ARHGAP28: variants seen among roughly 807,000 people sequenced by gnomAD.
ARHGAP28 encodes the protein Rho GTPase activating protein 28.
In ARHGAP28, 56 loss-of-function variants were observed where a neutral mutation model predicts 90.7. The observed-to-expected ratio is 0.62, with a 90% CI of 0.50 to 0.77. The LOEUF (loss-of-function observed/expected upper bound fraction) is 0.77, where lower values mean the gene tolerates loss of function less well. Among genes scored for constraint, ARHGAP28 ranks in the 30% least tolerant of loss-of-function variants. The pLI is 0.00. For missense variants in ARHGAP28, 869 were observed against 900.9 expected, an observed-to-expected ratio of 0.96 and a Z score of 0.45; for synonymous variants, 308 against 323.3, an observed-to-expected ratio of 0.95 and a Z score of 0.51.
chr18:6,841,208 CCTCT>C (rs369622522), intron 3 of ARHGAP28, among the ~76,000 whole-genome samples: 1,295 of 43,044 alleles, frequency 0.03, 53 homozygotes, highest in African/African-American at 0.088. Flanking sequence ...TCTCTCCTCT[CCTCT>C]CTCTCTCTCT....
Position 6,908,201 on chromosome 18 carries a change from G to A in ARHGAP28, c.2031-759G>A, listed in dbSNP as rs549843616. Reference sequence around the variant, plus strand: ...CGCCCAGGCTGGAGTGCAATGGCACGATCTCCACCCACTGCAACCTCCTCT... The same window carrying A: ...CGCCCAGGCTGGAGTGCAATGGCACAATCTCCACCCACTGCAACCTCCTCT... On this transcript the variant is annotated intron_variant, in intron 16 of 17. Coordinates refer to ENST00000383472, the MANE Select transcript of ARHGAP28 (RefSeq NM_001366230.1). Among the ~76,000 whole-genome samples, 35 of 151,930 alleles carry A rather than the reference G, an allele frequency of 2.3e-4. 1 individual carries two copies. The South Asian group carries it at 6.9e-3, about 30-fold the overall frequency.
At chr18:6,857,035 C>T (rs1323164783) in intron 4 of ARHGAP28, among the ~76,000 whole-genome samples, 1 of 152,122 alleles carries the variant, frequency 6.6e-6, no homozygotes, top group Non-Finnish European at 1.5e-5. Context: ...GGAGTTATTA[C>T]AAATAATGCT....
At chr18:6,908,408 G>A (rs956106285) in intron 16 of ARHGAP28, among the ~76,000 whole-genome samples, 2 of 152,112 alleles carry the variant, frequency 1.3e-5, no homozygotes, top group Admixed American at 6.5e-5. Context: ...CAAAATGCTA[G>A]AATTACAGGC....
At chr18:6,756,400 C>G (rs1342957766) in intron 1 of ARHGAP28, among the ~76,000 whole-genome samples, 2 of 152,122 alleles carry the variant, frequency 1.3e-5, no homozygotes, top group Admixed American at 1.3e-4. Flanking sequence ...AATATCCTTT[C>G]TACTTCAGCT....
chr18:6,801,506 T>C (rs1282691083), intron 1 of ARHGAP28, among the ~76,000 whole-genome samples: 2 of 152,190 alleles, frequency 1.3e-5, no homozygotes, highest in African/African-American at 4.8e-5. Flanking sequence ...TCATATGAGC[T>C]TTAGAAAGCT....
chr18:6,848,870 C>T (rs986608337), intron 3 of ARHGAP28, among the ~76,000 whole-genome samples: 2 of 152,074 alleles, frequency 1.3e-5, no homozygotes, highest in Non-Finnish European at 2.9e-5. Flanking sequence ...CTTCTGTTTC[C>T]CAGTCTCCCC....
intron 1 of ARHGAP28, chr18:6,754,853 G>A (rs903305925): frequency 4.6e-5 from 7 of 152,186 alleles, no homozygotes; most frequent in African/African-American, 1.7e-4. Flanking sequence ...GGGACTAAAA[G>A]AAAGTAAATT....
chr18:6,793,431 T>C (rs895903365), intron 1 of ARHGAP28, among the ~76,000 whole-genome samples: 3 of 152,202 alleles, frequency 2.0e-5, no homozygotes, highest in African/African-American at 7.2e-5. Context: ...CTGCATTCTG[T>C]CTTCCTACAG....
chr18:6,873,658 T>TC, intron 8 of ARHGAP28, 26 bp from the exon 9 acceptor site: 15 of 1,591,882 alleles, frequency 9.4e-6, no homozygotes, highest in South Asian at 2.3e-5. Flanking sequence ...TTTTTTTTTT[T>TC]CCCCCTTTAC....
At chr18:6,805,606 C>T (rs1489634447) in intron 1 of ARHGAP28, among the ~76,000 whole-genome samples, 1 of 151,200 alleles carries the variant, frequency 6.6e-6, no homozygotes, top group Admixed American at 6.6e-5. Flanking sequence ...CTTCCTCAGC[C>T]TCCTGAGTAG....
Position 6,742,175 on chromosome 18 carries a change from T to C in ARHGAP28, c.122+12232T>C, listed in dbSNP as rs1246716001. 2.6e-4 allele frequency among the ~76,000 whole-genome samples: 40 copies of C among 151,370 alleles called. 1 individual carries two copies. The highest frequency in any genetic ancestry group is 4.9e-4 in the Non-Finnish European group (33 of 67,840). ...TTTTTTCTTTTTTCTTTTTCTTTTT[T>C]TTTTTTTTGACAGAGTTTTTTGCTT... On this transcript the variant is annotated intron_variant, in intron 1 of 17. Transcript: ENST00000383472.
At position 6,824,835 on chromosome 18, in the gene ARHGAP28, C is replaced by T. The variant is rs1423816347; in HGVS notation, c.196C>T (p.Arg66Cys). 21 of 1,536,378 alleles carry T rather than the reference C, an allele frequency of 1.4e-5. No individual in the cohort carries two copies. The African/African-American group carries it at 1.4e-4, about 10-fold the overall frequency. The change falls in exon 2 of 18, where the codon CGT becomes TGT. Residue 66 changes from arginine to cysteine, a missense_variant. Physicochemically the swap from Arg to Cys is radical, Grantham distance 180. Coordinates refer to ENST00000383472, the MANE Select transcript of ARHGAP28 (RefSeq NM_001366230.1). ...ATCCCTCCATCCTCCTGCCTTCAGC[C>T]GTTCCAACTCAGAAGCCTCCGTAGA... is the stretch of plus-strand genomic sequence containing the variant. ...NESLHPPAFS[R>C]SNSEASVDSA...
At chr18:6,762,908 A>G (rs1399186798) in intron 1 of ARHGAP28, among the ~76,000 whole-genome samples, 2 of 152,176 alleles carry the variant, frequency 1.3e-5, no homozygotes, top group African/African-American at 4.8e-5. Flanking sequence ...TATACGCACA[A>G]TGAATTCACT....
Position 6,882,254 on chromosome 18 carries a change from C to G in ARHGAP28, c.1408C>G (p.Leu470Val), listed in dbSNP as rs1233278869. 3.1e-6 allele frequency: 5 copies of G among 1,614,072 alleles called. No individual in the cohort carries two copies. The highest frequency in any genetic ancestry group is 4.2e-6 in the Non-Finnish European group (5 of 1,179,984). ...GTTTTTCAGAGAACTACCCACCTCT[C>G]TCTTCCCTGTGGAATATATACCTGC... is the stretch of plus-strand genomic sequence containing the variant. ...KAFFRELPTS[L>V]FPVEYIPAFI... Residue 470 changes from leucine (L) to valine (V), a missense_variant, in exon 11 of 18, where the codon CTC becomes GTC. By Grantham distance (32) the Leu-to-Val change is conservative. Coordinates refer to ENST00000383472, the MANE Select transcript of ARHGAP28 (RefSeq NM_001366230.1).
chr18:6,819,421 G>C (rs2056612375), intron 1 of ARHGAP28, among the ~76,000 whole-genome samples: 1 of 152,180 alleles, frequency 6.6e-6, no homozygotes, highest in Non-Finnish European at 1.5e-5. Flanking sequence ...CAGGGAAGAA[G>C]AACTCTTGTG....
In ARHGAP28 at chr18:6,871,624, A is replaced by G. The variant is rs1256005886; in HGVS notation, c.954+892A>G. On this transcript the variant is annotated intron_variant, in intron 7 of 17. Coordinates refer to ENST00000383472, the MANE Select transcript of ARHGAP28 (RefSeq NM_001366230.1). The stretch of plus-strand genomic sequence containing the variant: ...GTAACATTGGTCTGTTTGCCATTCA[A>G]CCAATGCATGTGTGAAAAGTTTATC... 3.9e-5 allele frequency among the ~76,000 whole-genome samples: 6 copies of G among 152,314 alleles called. No individual in the cohort carries two copies. The East Asian group carries it at 5.8e-4, about 15-fold the overall frequency.
At chr18:6,825,099 T>A in intron 2 of ARHGAP28, 135 bp downstream of exon 2, 1 of 856,922 alleles carries the variant, frequency 1.2e-6, no homozygotes, top group Non-Finnish European at 1.7e-6. Flanking sequence ...ATTGATGATC[T>A]ACTCCCACTG....
intron 1 of ARHGAP28, among the ~76,000 whole-genome samples, chr18:6,750,647 G>A (rs935213787): frequency 2.6e-5 from 4 of 152,204 alleles, no homozygotes; most frequent in Admixed American, 6.5e-5. Flanking sequence ...CAAGATGGTG[G>A]AGGACATCAC....
chr18:6,747,772 T>C lies in ARHGAP28; in HGVS notation c.122+17829T>C, dbSNP rs73938281. ...TAATCATAAACATATGCTGGAATCA[T>C]AGTGGTTCAGCCAGAGTGCCAGTAT... On this transcript the variant is annotated intron_variant, in intron 1 of 17. Transcript: ENST00000383472. 8.1e-3 allele frequency among the ~76,000 whole-genome samples: 1,233 copies of C among 152,296 alleles called. 22 individuals carry two copies. Among genetic ancestry groups the C allele is most frequent in the African/African-American group, 0.029 (1,185 of 41,562 alleles).
Sources: allele counts gnomAD v4.1 joint callset (sites outside exome capture counted in the v4.1 genomes callset), GRCh38; gene constraint gnomAD v4.1.1; transcripts MANE v1.5; gene names NCBI Gene and HGNC (gene_info 2026-07-23, HGNC 2026-07-21).